The following SGCZ variants were observed in gnomAD, a reference collection of about 807,000 sequenced individuals.
The protein encoded by SGCZ is sarcoglycan zeta, also known as zeta-sarcoglycan.
A neutral mutation model predicts 41.3 loss-of-function variants in SGCZ; 40 were observed. The ratio of observed to expected loss-of-function variants is 0.97; its 90% CI spans 0.75 to 1.26. SGCZ has a LOEUF of 1.26. Among genes scored for constraint, SGCZ ranks in the 50% most tolerant of loss-of-function variants. SGCZ has a pLI of 0.00. For missense variants in SGCZ, 552 were observed against 369.8 expected, an observed-to-expected ratio of 1.49 and a Z score of -4.04; for synonymous variants, 206 against 137.5, an observed-to-expected ratio of 1.50 and a Z score of -3.49.
intron 1 of SGCZ, among the ~76,000 whole-genome samples, chr8:14,605,456 G>T (rs926301306): frequency 2.6e-5 from 4 of 151,880 alleles, no homozygotes; most frequent in Non-Finnish European, 4.4e-5. Context: ...ATTTAAATTA[G>T]TATTGACTAT....
intron 1 of SGCZ, among the ~76,000 whole-genome samples, chr8:14,617,953 A>G (rs1437235129): frequency 3.9e-5 from 6 of 152,106 alleles, no homozygotes; most frequent in Non-Finnish European, 2.9e-5. Context: ...CAGATAAAAT[A>G]GATATTATTT....
intron 1 of SGCZ, among the ~76,000 whole-genome samples, chr8:14,902,733 C>T (rs1799008328): frequency 6.6e-6 from 1 of 152,046 alleles, no homozygotes; most frequent in South Asian, 2.1e-4. Context: ...CTGCAATTTT[C>T]TTTACAATTC....
At chr8:14,195,528 G>A (rs1254141460) in intron 4 of SGCZ, among the ~76,000 whole-genome samples, 1 of 152,080 alleles carries the variant, frequency 6.6e-6, no homozygotes, top group South Asian at 2.1e-4. Context: ...TTCTAAGTTT[G>A]ATGAAAATCA....
intron 1 of SGCZ, among the ~76,000 whole-genome samples, chr8:14,913,691 T>C (rs1256655197): frequency 6.6e-6 from 1 of 152,048 alleles, no homozygotes; most frequent in Non-Finnish European, 1.5e-5. Flanking sequence ...AAATTATGTG[T>C]GGGATATATT....
intron 1 of SGCZ, among the ~76,000 whole-genome samples, chr8:14,914,076 C>T (rs1008829799): frequency 6.6e-6 from 1 of 151,788 alleles, no homozygotes; most frequent in African/African-American, 2.4e-5. Flanking sequence ...TATATTACAT[C>T]CTTTTTTAAA....
chr8:14,309,588 C>T, intron 3 of SGCZ: 1 of 1,610,812 alleles, frequency 6.2e-7, no homozygotes, highest in Non-Finnish European at 8.5e-7. Flanking sequence ...GTTAGGACTT[C>T]ATCCAAAGAT....
chr8:14,800,888 C>T (rs1477118299), intron 1 of SGCZ, among the ~76,000 whole-genome samples: 1 of 139,746 alleles, frequency 7.2e-6, no homozygotes, highest in East Asian at 2.3e-4. Flanking sequence ...ATATACCACA[C>T]AAGCAAACAA....
chr8:14,718,520 T>C, intron 1 of SGCZ, among the ~76,000 whole-genome samples: 1 of 152,050 alleles, frequency 6.6e-6, no homozygotes, highest in East Asian at 1.9e-4. Flanking sequence ...TCTTATAAAT[T>C]AAATATTGAA....
intron 2 of SGCZ, among the ~76,000 whole-genome samples, chr8:14,336,461 G>A (rs1802510636): frequency 6.6e-6 from 1 of 152,086 alleles, no homozygotes; most frequent in Admixed American, 6.6e-5. Context: ...ACCCAGTAAT[G>A]GGATTTCTAG....
chr8:14,876,645 A>T (rs1804367363), intron 1 of SGCZ, among the ~76,000 whole-genome samples: 1 of 152,234 alleles, frequency 6.6e-6, no homozygotes, highest in African/African-American at 2.4e-5. Flanking sequence ...CACTTAAAGT[A>T]ACTTTTTTAA....
At chr8:15,046,011 A>C (rs1392167990) in intron 1 of SGCZ, among the ~76,000 whole-genome samples, 1 of 152,124 alleles carries the variant, frequency 6.6e-6, no homozygotes, top group Non-Finnish European at 1.5e-5. Flanking sequence ...ATCCATTCAC[A>C]CATTAATACC....
At chr8:14,160,689 A>G (rs1277566271) in intron 5 of SGCZ, among the ~76,000 whole-genome samples, 1 of 152,140 alleles carries the variant, frequency 6.6e-6, no homozygotes, top group East Asian at 1.9e-4. Context: ...GTATTGATAG[A>G]TGGTGGTGTT....
intron 2 of SGCZ, among the ~76,000 whole-genome samples, chr8:14,362,692 C>A (rs113241906): frequency 0.02 from 3,105 of 152,198 alleles, 90 homozygotes; most frequent in African/African-American, 0.058. Context: ...TCACCCTCTG[C>A]GGGCTGCACC....
At chr8:14,385,795 A>C (rs1336852422) in intron 2 of SGCZ, among the ~76,000 whole-genome samples, 2 of 152,214 alleles carry the variant, frequency 1.3e-5, no homozygotes, top group South Asian at 2.1e-4. Flanking sequence ...ATGCATGTTT[A>C]ATAACAAATC....
At chr8:14,613,057 G>C (rs1460786581) in intron 1 of SGCZ, among the ~76,000 whole-genome samples, 1 of 152,140 alleles carries the variant, frequency 6.6e-6, no homozygotes, top group Non-Finnish European at 1.5e-5. Flanking sequence ...AGGGATAGGA[G>C]AGCACAAGAG....
At chr8:14,818,156 T>G (rs11779930) in intron 1 of SGCZ, among the ~76,000 whole-genome samples, 1 of 151,930 alleles carries the variant, frequency 6.6e-6, no homozygotes, top group Non-Finnish European at 1.5e-5. Flanking sequence ...ATCTCCCAGC[T>G]GGTCACACTC....
intron 1 of SGCZ, among the ~76,000 whole-genome samples, chr8:14,615,895 T>C (rs573640798): frequency 4.1e-4 from 62 of 152,194 alleles, no homozygotes; most frequent in Non-Finnish European, 7.9e-4. Context: ...TTCTCTCCTA[T>C]CTCATTCCAC....
intron 1 of SGCZ, among the ~76,000 whole-genome samples, chr8:15,199,416 G>A (rs950412448): frequency 2.0e-5 from 3 of 152,062 alleles, no homozygotes; most frequent in Non-Finnish European, 2.9e-5. Flanking sequence ...ATTTTTTAAT[G>A]TTTTAAATTT....
intron 7 of SGCZ, among the ~76,000 whole-genome samples, chr8:14,101,608 A>AATATAGAAG (rs1185455982): frequency 6.9e-5 from 6 of 86,984 alleles, no homozygotes; most frequent in African/African-American, 1.6e-4. Flanking sequence ...GAATAAAGGT[A>AATATAGAAG]ATATAGAAGA....
Sources: gnomAD v4.1 joint callset for allele counts (sites outside exome capture counted in the v4.1 genomes callset) on GRCh38, gnomAD v4.1.1 for gene constraint, MANE v1.5 for transcripts, NCBI Gene and HGNC (gene_info 2026-07-23, HGNC 2026-07-21) for gene names.